CRYL1: variants seen among roughly 807,000 people sequenced by gnomAD.
CRYL1 encodes lambda-crystallin homolog.
In CRYL1, 29 loss-of-function variants were observed where a neutral mutation model predicts 36.6. The ratio of observed to expected loss-of-function variants is 0.79; its 90% CI spans 0.59 to 1.08. The LOEUF (loss-of-function observed/expected upper bound fraction) is 1.08, where lower values mean the gene tolerates loss of function less well. Among genes scored for constraint, CRYL1 ranks in the 50% least tolerant of loss-of-function variants. The probability of loss-of-function intolerance (pLI) is 0.00; values close to 1 mark genes in which losing one functional copy is unlikely to be tolerated. For synonymous variants in CRYL1, 152 were observed against 151.5 expected (o/e 1.00, Z -0.02); for missense variants, 411 against 407.9 (o/e 1.01, Z -0.06).
At chr13:20,442,812 G>C (rs1257342717) in intron 3 of CRYL1, among the ~76,000 whole-genome samples, 1 of 152,194 alleles carries the variant, frequency 6.6e-6, no homozygotes, top group Non-Finnish European at 1.5e-5. Flanking sequence ...AGGGGAGGGA[G>C]ACACAACTCA....
At chr13:20,506,158 A>T (rs2137499244) in intron 2 of CRYL1, among the ~76,000 whole-genome samples, 1 of 152,262 alleles carries the variant, frequency 6.6e-6, no homozygotes, top group South Asian at 2.1e-4. Flanking sequence ...ATTTTCCTGA[A>T]GTTATTTGCC....
At chr13:20,468,076 C>G (rs2032979131) in intron 3 of CRYL1, among the ~76,000 whole-genome samples, 1 of 152,172 alleles carries the variant, frequency 6.6e-6, no homozygotes, top group Admixed American at 6.5e-5. Context: ...CCCCCAACCC[C>G]CACCTGGCAA....
chr13:20,422,908 C>T (rs1337290614), intron 5 of CRYL1, among the ~76,000 whole-genome samples: 1 of 152,206 alleles, frequency 6.6e-6, no homozygotes, highest in Non-Finnish European at 1.5e-5. Context: ...TTAATCATTC[C>T]AATCCATGAA....
intron 3 of CRYL1, among the ~76,000 whole-genome samples, chr13:20,473,657 C>T (rs2033105298): frequency 6.6e-6 from 1 of 152,196 alleles, no homozygotes; most frequent in Non-Finnish European, 1.5e-5. Context: ...GTACAAACAA[C>T]GTAGAAGGAG....
At chr13:20,524,435 T>G (rs2034152875) in intron 1 of CRYL1, among the ~76,000 whole-genome samples, 1 of 151,750 alleles carries the variant, frequency 6.6e-6, no homozygotes, top group Non-Finnish European at 1.5e-5. Flanking sequence ...TGGAGTGCAA[T>G]GGCACCATCT....
At chr13:20,413,095 C>A (rs2031565248) in intron 6 of CRYL1, among the ~76,000 whole-genome samples, 187 bp downstream of exon 6, 1 of 152,308 alleles carries the variant, frequency 6.6e-6, no homozygotes, top group East Asian at 1.9e-4. Context: ...GCATGCACTC[C>A]ACATGGATTT....
At chr13:20,462,013 A>AT (rs2032832192) in intron 3 of CRYL1, among the ~76,000 whole-genome samples, 1 of 23,972 alleles carries the variant, frequency 4.2e-5, no homozygotes. Context: ...TGGTGGGAGG[A>AT]GGGGTCAGGA....
intron 1 of CRYL1, 87 bp from the exon 2 acceptor site, chr13:20,512,637 T>C: frequency 1.1e-6 from 1 of 906,384 alleles, no homozygotes; most frequent in Non-Finnish European, 1.7e-6. Flanking sequence ...TTTTTTAAAT[T>C]CACAGTATCC....
chr13:20,476,892 T>C (rs7336358), intron 3 of CRYL1: 100,184 of 152,398 alleles, frequency 0.66, 33,689 homozygotes, highest in East Asian at 0.8. Flanking sequence ...CCGGGTGCGG[T>C]GGCTCACGCC....
chr13:20,448,332 T>C (rs892200025), intron 3 of CRYL1, among the ~76,000 whole-genome samples: 1 of 151,976 alleles, frequency 6.6e-6, no homozygotes, highest in African/African-American at 2.4e-5. Context: ...ATATGTGTAA[T>C]TGGGACCTCA....
intron 4 of CRYL1, among the ~76,000 whole-genome samples, chr13:20,437,475 T>G (rs2032254109): frequency 6.6e-6 from 1 of 152,078 alleles, no homozygotes; most frequent in Non-Finnish European, 1.5e-5. Context: ...ACCTGGCTAA[T>G]TTTTTGTATT....
At position 20,512,424 on chromosome 13, in the gene CRYL1, A is replaced by G. The variant is rs532439118; in HGVS notation, c.149+19T>C. 3 of 1,562,150 alleles carry G rather than the reference A, an allele frequency of 1.9e-6. No homozygotes were observed. The highest frequency in any genetic ancestry group is 2.2e-5 in the South Asian group (2 of 89,358). On this transcript the variant is annotated intron_variant, in intron 2 of 7. Coordinates refer to ENST00000298248, the MANE Select transcript of CRYL1 (RefSeq NM_015974.3). ...ACAGACCCACTTCCATTCCTTCTGG[A>G]GAGCGCCGGCTGGCCCACCTGATGT...
chr13:20,482,580 G>T (rs1423520754), intron 3 of CRYL1, among the ~76,000 whole-genome samples: 1 of 152,238 alleles, frequency 6.6e-6, no homozygotes, highest in African/African-American at 2.4e-5. Context: ...TTTCAGCAGA[G>T]TATTAGGAAA....
chr13:20,510,653 C>A (rs1308008010), intron 2 of CRYL1, among the ~76,000 whole-genome samples: 1 of 150,770 alleles, frequency 6.6e-6, no homozygotes, highest in East Asian at 1.9e-4. Flanking sequence ...CACTCTGTAG[C>A]CCAAGCTGGA....
chr13:20,504,815 T>C (rs2033764452), intron 2 of CRYL1, among the ~76,000 whole-genome samples: 1 of 152,238 alleles, frequency 6.6e-6, no homozygotes. Context: ...TTTTTGTTTT[T>C]CAAGTTCACT....
chr13:20,427,708 A>C (rs976324734), intron 5 of CRYL1, among the ~76,000 whole-genome samples: 3 of 146,102 alleles, frequency 2.1e-5, no homozygotes, highest in African/African-American at 7.7e-5. Flanking sequence ...ATAAAAGGAA[A>C]AAAAAATCAA....
intron 3 of CRYL1, among the ~76,000 whole-genome samples, chr13:20,443,724 C>T (rs2032397002): frequency 6.6e-6 from 1 of 152,194 alleles, no homozygotes. Context: ...CATCCTGTTG[C>T]TAGAAAATCT....
chr13:20,406,253 C>T (rs560234832), intron 6 of CRYL1: 3 of 152,062 alleles, frequency 2.0e-5, no homozygotes, highest in South Asian at 2.1e-4. Context: ...GTACTAGATA[C>T]GCTCAAAAAG....
intron 1 of CRYL1, among the ~76,000 whole-genome samples, chr13:20,517,244 C>G (rs546536610): frequency 1.3e-5 from 2 of 152,198 alleles, no homozygotes; most frequent in Admixed American, 1.3e-4. Context: ...CAGTACAGGC[C>G]GAGTGGGCCT....
Sources: gnomAD v4.1 joint callset for allele counts (sites outside exome capture counted in the v4.1 genomes callset) on GRCh38, gnomAD v4.1.1 for gene constraint, MANE v1.5 for transcripts, NCBI Gene and HGNC (gene_info 2026-07-23, HGNC 2026-07-21) for gene names.